EMC7: variants seen among roughly 807,000 people sequenced by gnomAD.
EMC7 encodes the protein endoplasmic reticulum membrane protein complex subunit 7.
EMC7 carries 4 observed loss-of-function variants against 24.4 expected under a neutral mutation model. The observed-to-expected ratio is 0.16, with a 90% CI of 0.08 to 0.38. The LOEUF is 0.38. Ranked by LOEUF, EMC7 falls within the 10% of genes least tolerant of loss-of-function variation. EMC7 has a pLI of 1.00. For missense variants in EMC7, 221 were observed against 300.6 expected, an observed-to-expected ratio of 0.74 and a Z score of 1.96; for synonymous variants, 106 against 112.0, an observed-to-expected ratio of 0.95 and a Z score of 0.34.
At chr15:34,088,970 C>G (rs1376529423) in intron 3 of EMC7, among the ~76,000 whole-genome samples, 3 of 152,128 alleles carry the variant, frequency 2.0e-5, no homozygotes, top group African/African-American at 4.8e-5. Context: ...AGTTCTCCTG[C>G]CTCAGCCTCC....
At chr15:34,094,895 C>T (rs1901040535) in intron 2 of EMC7, among the ~76,000 whole-genome samples, 2 of 152,120 alleles carry the variant, frequency 1.3e-5, no homozygotes, top group Non-Finnish European at 1.5e-5. Flanking sequence ...TGAATTATGG[C>T]ATATTTACAT....
At chr15:34,092,184 G>A (rs1166511893) in intron 2 of EMC7, among the ~76,000 whole-genome samples, 1 of 151,082 alleles carries the variant, frequency 6.6e-6, no homozygotes, top group Non-Finnish European at 1.5e-5. Context: ...AGAATCACTC[G>A]AACCCAGGAA....
chr15:34,093,352 G>A (rs10851938), intron 2 of EMC7, among the ~76,000 whole-genome samples: 100,371 of 151,376 alleles, frequency 0.66, 34,019 homozygotes, highest in South Asian at 0.78. Flanking sequence ...CAGGGGAATC[G>A]CTTGAACCCG....
At chr15:34,093,966 C>A (rs1210258072) in intron 2 of EMC7, among the ~76,000 whole-genome samples, 2 of 149,322 alleles carry the variant, frequency 1.3e-5, no homozygotes, top group African/African-American at 5.0e-5. Context: ...CTGTAGCGGG[C>A]TATGATTGCA....
At chr15:34,089,772 G>A (rs1250319112) in intron 3 of EMC7, among the ~76,000 whole-genome samples, 2 of 152,126 alleles carry the variant, frequency 1.3e-5, no homozygotes, top group Non-Finnish European at 2.9e-5. Flanking sequence ...GCCTGGCCAA[G>A]ATGGAGAAAC....
chr15:34,101,723 G>A lies in EMC7; in HGVS notation c.117C>T (p.Val39=). The A allele has an allele frequency of 6.2e-7, 1 of 1,613,426 alleles. No homozygotes were observed. The highest frequency in any genetic ancestry group is 1.1e-5 in the South Asian group (1 of 91,026). ...AAAEGSGGSG[V]GIGDRFKIEG... ...CAATCTTGAAGCGATCTCCTATGCC[G>A]ACCCCACTCCCTCCCGATCCCTCAG... Residue 39 remains valine, a synonymous_variant, in exon 1 of 5, where the codon GTC becomes GTT. Coordinates refer to ENST00000256545, the MANE Select transcript of EMC7 (RefSeq NM_020154.3).
intron 1 of EMC7, among the ~76,000 whole-genome samples, chr15:34,101,215 G>A (rs1901168873): frequency 6.6e-6 from 1 of 151,956 alleles, no homozygotes; most frequent in African/African-American, 2.4e-5. Context: ...GCTACCAAAA[G>A]ACTGAAGTGA....
chr15:34,090,690 GCT>G (rs1900963013), intron 2 of EMC7, among the ~76,000 whole-genome samples: 1 of 152,138 alleles, frequency 6.6e-6, no homozygotes, highest in Admixed American at 6.6e-5. Flanking sequence ...TCTAGCTGCA[GCT>G]CTGTCATTAC....
intron 2 of EMC7, among the ~76,000 whole-genome samples, chr15:34,091,471 TATAAAC>T (rs1449229799): frequency 6.6e-6 from 1 of 152,200 alleles, no homozygotes; most frequent in Non-Finnish European, 1.5e-5. Context: ...ATTTGGGAAT[TATAAAC>T]AGAAACTATT....
chr15:34,098,779 C>A lies in EMC7; in HGVS notation c.237-2765G>T, dbSNP rs1002515518. ...CCACCGTACCCAGCCCTGACTCAAC[C>A]AATTTCAAAACATTTTTTCAGATCC... On this transcript the variant is annotated intron_variant, in intron 1 of 4. Coordinates refer to ENST00000256545, the MANE Select transcript of EMC7 (RefSeq NM_020154.3). Among the ~76,000 whole-genome samples the A allele has an allele frequency of 9.9e-5, 15 of 151,712 alleles. No individual in the cohort carries two copies. In the East Asian group the frequency reaches 1.7e-3, roughly 18 times the overall value.
chr15:34,084,131 G>T lies in EMC7; in HGVS notation c.*203C>A, dbSNP rs879161155. The T allele has an allele frequency of 7.5e-6, 4 of 531,116 alleles. No homozygotes were observed. Among genetic ancestry groups the T allele is most frequent in the African/African-American group, 3.8e-5 (2 of 52,284 alleles). The allele number at this position is 531,116 out of a possible 1,614,324, so 32.9% of individuals were successfully genotyped here. On this transcript the variant is annotated 3_prime_UTR_variant, in exon 5 of 5. Coordinates refer to ENST00000256545, the MANE Select transcript of EMC7 (RefSeq NM_020154.3). ...TAATTAATTCAGTGACATCAATATT[G>T]ACCTCATACAGACAAAAGATGAAAG...
At chr15:34,086,241 G>T in intron 4 of EMC7, 1 of 342,132 alleles carries the variant, frequency 2.9e-6, no homozygotes, top group South Asian at 2.7e-5. Flanking sequence ...ATATTGGTCT[G>T]ACTGGTGCCA....
intron 4 of EMC7, chr15:34,086,130 C>A: frequency 2.6e-6 from 1 of 377,598 alleles, no homozygotes. Flanking sequence ...TTCTTTGCTG[C>A]TCCCATAACC....
Position 34,101,669 on chromosome 15 carries a change from C to T in EMC7, c.171G>A (p.Lys57=). 6.2e-7 allele frequency: 1 copy of T among 1,613,934 alleles called. No homozygotes were observed. The highest frequency in any genetic ancestry group is 2.2e-5 in the East Asian group (1 of 44,886). ...GGGCCGCCGAGATCCAGTCCTGAGG[C>T]TTCACCCCTGGAACAACTGCACGCC... The part of the protein sequence containing the change: ...IEGRAVVPGV[K]PQDWISAARV... The change falls in exon 1 of 5, where the codon AAG becomes AAA. Residue 57 remains lysine (K), a synonymous_variant. Transcript: ENST00000256545.
intron 4 of EMC7, chr15:34,086,178 C>T (rs979148696): frequency 1.5e-5 from 6 of 401,688 alleles, no homozygotes; most frequent in East Asian, 1.6e-4. Context: ...GAATCTTCTA[C>T]GAACACTGTT....
intron 4 of EMC7, 106 bp from the exon 5 acceptor site, chr15:34,084,592 T>C (rs1465938605): frequency 4.7e-6 from 6 of 1,284,664 alleles, no homozygotes; most frequent in East Asian, 2.4e-5. Flanking sequence ...TGAAAGGTAC[T>C]GGTTCTGAGC....
At chr15:34,091,641 G>A (rs1900975278) in intron 2 of EMC7, among the ~76,000 whole-genome samples, 1 of 152,128 alleles carries the variant, frequency 6.6e-6, no homozygotes, top group African/African-American at 2.4e-5. Flanking sequence ...CGAAAATCCA[G>A]GGCCTTCTGC....
At chr15:34,092,538 G>A (rs1156699088) in intron 2 of EMC7, among the ~76,000 whole-genome samples, 5 of 151,888 alleles carry the variant, frequency 3.3e-5, no homozygotes, top group Non-Finnish European at 7.4e-5. Context: ...TAGTAGAGAT[G>A]GGGTTCATCA....
Position 34,090,341 on chromosome 15 carries a change from C to G in EMC7, c.471G>C (p.Trp157Cys), listed in dbSNP as rs150305850. 1 of 1,613,786 alleles carries G rather than the reference C, an allele frequency of 6.2e-7. No homozygotes were observed. Among genetic ancestry groups the G allele is most frequent in the African/African-American group, 1.3e-5 (1 of 74,910 alleles). ...CCATTGGGTTCATTAGAAAGTCTGTCCAGCCCCACGATTCCCTTTTAATAA... is the reference window on the plus strand; with the variant it reads ...CCATTGGGTTCATTAGAAAGTCTGTGCAGCCCCACGATTCCCTTTTAATAA... ...SYFIKRESWG[W>C]TDFLMNPMVM... Residue 157 changes from tryptophan (W) to cysteine (C), a missense_variant, in exon 3 of 5, where the codon TGG becomes TGC. Physicochemically the swap from Trp to Cys is radical, Grantham distance 215. Transcript: ENST00000256545.
Sources: gnomAD v4.1 joint callset for allele counts (sites outside exome capture counted in the v4.1 genomes callset) on GRCh38, gnomAD v4.1.1 for gene constraint, MANE v1.5 for transcripts, NCBI Gene and HGNC (gene_info 2026-07-23, HGNC 2026-07-21) for gene names.